Variants in ROBO2 observed in about 807,000 individuals in gnomAD.
ROBO2 encodes the protein roundabout guidance receptor 2.
Under a neutral mutation model 160.8 loss-of-function variants are expected in ROBO2, and 53 were observed. That is an observed-to-expected ratio of 0.33 (90% CI 0.26 to 0.41). The LOEUF (loss-of-function observed/expected upper bound fraction) is 0.41. Ranked by LOEUF, ROBO2 falls within the 10% of genes least tolerant of loss-of-function variation. The pLI is 1.00. For missense variants in ROBO2, 1,577 were observed against 1,722.4 expected (o/e 0.92, Z 1.49); for synonymous variants, 664 against 611.7 (o/e 1.09, Z -1.26).
chr3:77,507,106 T>G (rs1274674888), intron 5 of ROBO2, among the ~76,000 whole-genome samples: 4 of 152,174 alleles, frequency 2.6e-5, no homozygotes, highest in Non-Finnish European at 4.4e-5. Flanking sequence ...GAGAAGTGTC[T>G]GAACCTCATT....
chr3:76,690,194 G>A (rs2092771720), intron 2 of ROBO2, among the ~76,000 whole-genome samples: 3 of 152,060 alleles, frequency 2.0e-5, no homozygotes, highest in Admixed American at 2.0e-4. Context: ...AATTCCCTAT[G>A]GACCAAGACT....
intron 2 of ROBO2, among the ~76,000 whole-genome samples, chr3:76,404,292 T>A (rs966889667): frequency 6.6e-6 from 1 of 151,664 alleles, no homozygotes; most frequent in Non-Finnish European, 1.5e-5. Context: ...AAGGAATATA[T>A]CACTGAGAAT....
At chr3:77,377,259 C>A (rs191065429) in intron 2 of ROBO2, among the ~76,000 whole-genome samples, 71 of 152,184 alleles carry the variant, frequency 4.7e-4, no homozygotes, top group Non-Finnish European at 8.7e-4. Context: ...TAAAAATTAT[C>A]TTGTTCCCCT....
At chr3:77,516,620 G>A (rs1312184141) in intron 5 of ROBO2, among the ~76,000 whole-genome samples, 1 of 151,522 alleles carries the variant, frequency 6.6e-6, no homozygotes, top group Non-Finnish European at 1.5e-5. Context: ...ATTTATTAAT[G>A]ATAATATGTA....
At chr3:76,107,043 A>G (rs2108209330) in intron 2 of ROBO2, among the ~76,000 whole-genome samples, 1 of 152,258 alleles carries the variant, frequency 6.6e-6, no homozygotes, top group African/African-American at 2.4e-5. Flanking sequence ...TAAAAAATAA[A>G]GCTGAAATAT....
At chr3:76,333,595 G>GC (rs1381516065) in intron 2 of ROBO2, among the ~76,000 whole-genome samples, 1 of 152,108 alleles carries the variant, frequency 6.6e-6, no homozygotes, top group African/African-American at 2.4e-5. Context: ...TTTATAAAAA[G>GC]CATTCAACCA....
chr3:76,694,605 A>G (rs1314834556), intron 2 of ROBO2, among the ~76,000 whole-genome samples: 2 of 152,130 alleles, frequency 1.3e-5, no homozygotes, highest in East Asian at 1.9e-4. Context: ...GGCACTTCAT[A>G]GGAAAGCGTT....
intron 2 of ROBO2, among the ~76,000 whole-genome samples, chr3:76,856,266 G>A (rs186588458): frequency 2.6e-5 from 4 of 152,142 alleles, no homozygotes; most frequent in African/African-American, 9.7e-5. Flanking sequence ...CCTTTAGATC[G>A]ATCCTTTACC....
intron 2 of ROBO2, among the ~76,000 whole-genome samples, chr3:76,721,245 A>G (rs1044378556): frequency 6.7e-6 from 1 of 148,556 alleles, no homozygotes; most frequent in South Asian, 2.2e-4. Flanking sequence ...TAACTTCTAC[A>G]TAAAACATTT....
intron 2 of ROBO2, among the ~76,000 whole-genome samples, chr3:76,923,974 A>G (rs2076824782): frequency 6.6e-6 from 1 of 152,242 alleles, no homozygotes; most frequent in Admixed American, 6.5e-5. Context: ...AGAATATCAA[A>G]CATCATAATT....
At chr3:77,055,188 G>A (rs554955254) in intron 1 of ROBO2, among the ~76,000 whole-genome samples, 3 of 152,112 alleles carry the variant, frequency 2.0e-5, no homozygotes, top group African/African-American at 7.2e-5. Context: ...AGCTTCCACT[G>A]CGTCTTCCCA....
intron 2 of ROBO2, among the ~76,000 whole-genome samples, chr3:76,844,806 G>T (rs777938026): frequency 5.9e-5 from 9 of 151,842 alleles, no homozygotes; most frequent in South Asian, 4.2e-4. Flanking sequence ...TAAAAACCTA[G>T]GTCTTTATAA....
At chr3:76,834,062 T>TTTCC (rs368797764) in intron 2 of ROBO2, among the ~76,000 whole-genome samples, 20 of 88,012 alleles carry the variant, frequency 2.3e-4, no homozygotes, top group African/African-American at 9.1e-4. Context: ...CCTTTCTTTC[T>TTTCC]TTTCTTTCTT....
intron 17 of ROBO2, among the ~76,000 whole-genome samples, chr3:77,591,366 G>C (rs185006035): frequency 1.3e-5 from 2 of 152,248 alleles, no homozygotes; most frequent in East Asian, 1.9e-4. Flanking sequence ...CACTCTGAAA[G>C]CTTCCTCACT....
At chr3:77,447,702 A>C (rs1286228557) in intron 2 of ROBO2, among the ~76,000 whole-genome samples, 1 of 152,132 alleles carries the variant, frequency 6.6e-6, no homozygotes, top group Non-Finnish European at 1.5e-5. Context: ...TTAAATTCAG[A>C]GTAGGAAATC....
At chr3:76,815,823 C>T (rs138631144) in intron 2 of ROBO2, among the ~76,000 whole-genome samples, 2,897 of 152,132 alleles carry the variant, frequency 0.019, 41 homozygotes, top group Middle Eastern at 0.051. Flanking sequence ...CCTTTCCTCA[C>T]TCATATTTAG....
chr3:76,007,902 T>G (rs766072337), intron 2 of ROBO2, among the ~76,000 whole-genome samples: 2 of 152,038 alleles, frequency 1.3e-5, no homozygotes, highest in Non-Finnish European at 2.9e-5. Context: ...TTAAGGATAT[T>G]AGAGAAAATT....
At chr3:76,233,467 G>A (rs1053625827) in intron 2 of ROBO2, among the ~76,000 whole-genome samples, 1 of 152,218 alleles carries the variant, frequency 6.6e-6, no homozygotes, top group Non-Finnish European at 1.5e-5. Context: ...TGTAATTGCT[G>A]GTAGTACAGT....
intron 2 of ROBO2, among the ~76,000 whole-genome samples, chr3:76,322,400 T>C (rs2072639225): frequency 6.6e-6 from 1 of 151,888 alleles, no homozygotes; most frequent in African/African-American, 2.4e-5. Flanking sequence ...CATAGAGATA[T>C]AAATGTGTAA....
Sources: gnomAD v4.1 joint callset for allele counts (sites outside exome capture counted in the v4.1 genomes callset) on GRCh38, gnomAD v4.1.1 for gene constraint, MANE v1.5 for transcripts, NCBI Gene and HGNC (gene_info 2026-07-23, HGNC 2026-07-21) for gene names.